ZFR2: variants seen among roughly 807,000 people sequenced by gnomAD.
ZFR2 encodes zinc finger RNA binding protein 2, also known as zinc finger RNA-binding protein 2.
In ZFR2, 104 loss-of-function variants were observed where a neutral mutation model predicts 105.7. That is an observed-to-expected ratio of 0.98 (90% CI 0.84 to 1.16). The LOEUF (loss-of-function observed/expected upper bound fraction) is 1.16. Ranked by LOEUF, ZFR2 falls within the 50% of genes most tolerant of loss-of-function variation. ZFR2 has a pLI of 0.00. For missense variants in ZFR2, 1,425 were observed against 1,355.5 expected, an observed-to-expected ratio of 1.05 and a Z score of -0.80; for synonymous variants, 634 against 597.7, an observed-to-expected ratio of 1.06 and a Z score of -0.89.
In ZFR2 at chr19:3,838,809, C is replaced by A. The variant is rs1763758129; in HGVS notation, c.54-3826G>T. 6.6e-6 allele frequency among the ~76,000 whole-genome samples: 1 copy of A among 152,170 alleles called. No homozygotes were observed. Among genetic ancestry groups the A allele is most frequent in the South Asian group, 2.1e-4 (1 of 4,828 alleles). ...CTGGCACCACCCAGTATACACTGCACGTCTGTCCACAGGCCGTCTCCTCCC... is the reference window on the plus strand; with the variant it reads ...CTGGCACCACCCAGTATACACTGCAAGTCTGTCCACAGGCCGTCTCCTCCC... On this transcript the variant is annotated intron_variant, in intron 1 of 18. Coordinates refer to ENST00000262961, the MANE Select transcript of ZFR2 (RefSeq NM_015174.2). The surrounding 1 kb of genome is among the most constrained non-coding windows in gnomAD (Gnocchi z 4.9).
At chr19:3,864,546 G>A (rs1028403748) in intron 1 of ZFR2, among the ~76,000 whole-genome samples, 4 of 152,216 alleles carry the variant, frequency 2.6e-5, no homozygotes, top group Non-Finnish European at 4.4e-5. Context: ...TAAACAAAGA[G>A]AAAGGTAACG....
At chr19:3,854,576 A>G (rs967463035) in intron 1 of ZFR2, among the ~76,000 whole-genome samples, 1 of 152,156 alleles carries the variant, frequency 6.6e-6, no homozygotes, top group African/African-American at 2.4e-5. Context: ...TCAGATTCCT[A>G]CATCCCAGAG....
At chr19:3,820,901 AGGTCGGGGGACACAGGGACACCGGG>A (rs1568420768) in intron 10 of ZFR2, among the ~76,000 whole-genome samples, 3 of 57,908 alleles carry the variant, frequency 5.2e-5, no homozygotes, top group African/African-American at 2.1e-4. Context: ...GGGACACTAG[AGGTCGGGGGACACAGGGACACCGGG>A]GGTCGGGGGA....
intron 10 of ZFR2, 129 bp from the exon 11 acceptor site, chr19:3,820,419 C>A: frequency 1.2e-6 from 1 of 868,422 alleles, no homozygotes; most frequent in Non-Finnish European, 1.7e-6. Context: ...TGGGGCTCCA[C>A]TGCACTGCAT....
At position 3,813,830 on chromosome 19, in the gene ZFR2, G is replaced by A; in HGVS notation, c.2232C>T (p.Ser744=). The A allele has an allele frequency of 6.2e-7, 1 of 1,613,826 alleles. No homozygotes were observed. The highest frequency in any genetic ancestry group is 1.1e-5 in the South Asian group (1 of 91,084). ...AGGGCTGGGCCGCACCTGGGTCTGTGGAGGGGTCCTCCCGCATCAGAGGTG... is the reference window on the plus strand; with the variant it reads ...AGGGCTGGGCCGCACCTGGGTCTGTAGAGGGGTCCTCCCGCATCAGAGGTG... ...VTSPLMREDP[S]TDPGVEEPQA... The change falls in exon 14 of 19, where the codon TCC becomes TCT. Residue 744 remains serine, a synonymous_variant. Coordinates refer to ENST00000262961, the MANE Select transcript of ZFR2 (RefSeq NM_015174.2). This position sits in a 1 kb window ranked among gnomAD's most constrained non-coding sequence, Gnocchi z 4.4.
intron 15 of ZFR2, 68 bp from the exon 16 acceptor site, chr19:3,810,913 T>C (rs1378442587): frequency 6.6e-6 from 10 of 1,510,642 alleles, no homozygotes; most frequent in Non-Finnish European, 8.1e-6. Flanking sequence ...CGCCGGGCTC[T>C]GTCGTGAGCG....
chr19:3,825,333 G>C lies in ZFR2; in HGVS notation c.1110C>G (p.Pro370=). ...LEPALATESP[P]GAEAKPTSPT... ...GGGACGTGGGCTTGGCCTCTGCCCCGGGGGGGCTCTCTGTGGCCAGTGCAG... is the reference window on the plus strand; with the variant it reads ...GGGACGTGGGCTTGGCCTCTGCCCCCGGGGGGCTCTCTGTGGCCAGTGCAG... Residue 370 remains proline, a synonymous_variant, in exon 7 of 19, where the codon CCC becomes CCG. Coordinates refer to ENST00000262961, the MANE Select transcript of ZFR2 (RefSeq NM_015174.2). The C allele has an allele frequency of 1.3e-6, 2 of 1,586,108 alleles. No individual in the cohort carries two copies. Among genetic ancestry groups the C allele is most frequent in the Non-Finnish European group, 1.7e-6 (2 of 1,169,954 alleles).
At chr19:3,821,552 G>T in intron 9 of ZFR2, 73 bp from the exon 10 acceptor site, 1 of 1,419,582 alleles carries the variant, frequency 7.0e-7, no homozygotes, top group Non-Finnish European at 9.4e-7. Context: ...ATCTTGGGGT[G>T]CAGGGAGAGG....
chr19:3,830,237 G>A (rs1018883060), intron 5 of ZFR2, among the ~76,000 whole-genome samples: 2 of 152,032 alleles, frequency 1.3e-5, no homozygotes, highest in African/African-American at 4.8e-5. Flanking sequence ...CCAGGAGTTC[G>A]AGACTGGACC....
At chr19:3,814,233 CAAG>C (rs960540895) in intron 13 of ZFR2, among the ~76,000 whole-genome samples, 9 of 152,158 alleles carry the variant, frequency 5.9e-5, no homozygotes, top group Non-Finnish European at 1.0e-4. Context: ...AATTCAATAA[CAAG>C]AAGACCAGCA....
chr19:3,837,140 CT>C (rs2038083422), intron 1 of ZFR2, among the ~76,000 whole-genome samples: 1 of 152,014 alleles, frequency 6.6e-6, no homozygotes, highest in South Asian at 2.1e-4. Context: ...AAAGTTACAG[CT>C]TTTTTTTATT....
intron 5 of ZFR2, among the ~76,000 whole-genome samples, chr19:3,829,480 G>A (rs538807654): frequency 1.3e-5 from 2 of 151,452 alleles, no homozygotes; most frequent in Non-Finnish European, 2.9e-5. Flanking sequence ...GTGTGTGTGT[G>A]TTTTGTTGTT....
intron 12 of ZFR2, among the ~76,000 whole-genome samples, chr19:3,817,591 AATAATAATAATAATAATT>A (rs1184073102): frequency 3.6e-5 from 5 of 140,210 alleles, no homozygotes; most frequent in African/African-American, 7.8e-5. Flanking sequence ...TAATAATAAT[AATAATAATAATAATAATT>A]AGCTGGGTGT....
intron 12 of ZFR2, among the ~76,000 whole-genome samples, chr19:3,818,340 G>A (rs1421244436): frequency 1.3e-5 from 2 of 152,066 alleles, no homozygotes; most frequent in African/African-American, 2.4e-5. Context: ...GGTGGTGGGC[G>A]CCTGCAGTCC....
At chr19:3,807,357 C>G in intron 17 of ZFR2, 88 bp from the exon 18 acceptor site, 1 of 969,364 alleles carries the variant, frequency 1.0e-6, no homozygotes, top group Non-Finnish European at 1.6e-6. Flanking sequence ...ACCGTGGGGC[C>G]TCAGGGGCCC....
At chr19:3,866,386 AC>A (rs2038426970) in intron 1 of ZFR2, among the ~76,000 whole-genome samples, 1 of 151,068 alleles carries the variant, frequency 6.6e-6, no homozygotes, top group African/African-American at 2.4e-5. Flanking sequence ...ACAACTCAAC[AC>A]CGGGTTGCGT....
intron 16 of ZFR2, among the ~76,000 whole-genome samples, chr19:3,809,552 C>T (rs1305741776): frequency 1.3e-5 from 2 of 152,214 alleles, no homozygotes; most frequent in Non-Finnish European, 2.9e-5. Context: ...TCAGGGAACA[C>T]AGGCTTTCTC....
intron 16 of ZFR2, 65 bp from the exon 17 acceptor site, chr19:3,809,048 G>A (rs2037734349): frequency 7.8e-7 from 1 of 1,284,700 alleles, no homozygotes; most frequent in Non-Finnish European, 1.0e-6. Flanking sequence ...TGCCCGGGAG[G>A]TCCTGGGGTC....
intron 16 of ZFR2, among the ~76,000 whole-genome samples, chr19:3,810,507 C>A (rs575577553): frequency 6.6e-6 from 1 of 152,350 alleles, no homozygotes; most frequent in South Asian, 2.1e-4. Flanking sequence ...CTCACATTTC[C>A]CTGGCCAGTC....
Sources: allele counts gnomAD v4.1 joint callset (sites outside exome capture counted in the v4.1 genomes callset), GRCh38; gene constraint gnomAD v4.1.1; non-coding constraint Gnocchi (gnomAD v3.1); transcripts MANE v1.5; gene names NCBI Gene and HGNC (gene_info 2026-07-23, HGNC 2026-07-21).